MYO18B: variants seen among roughly 807,000 people sequenced by gnomAD.
The protein encoded by MYO18B is myosin XVIIIB, also known as unconventional myosin-XVIIIb.
A neutral mutation model predicts 273.0 loss-of-function variants in MYO18B; 204 were observed. The ratio of observed to expected loss-of-function variants is 0.75; its 90% CI spans 0.67 to 0.84. The LOEUF (loss-of-function observed/expected upper bound fraction) is 0.84. MYO18B is among the 40% of genes least tolerant of loss of function. The probability of loss-of-function intolerance (pLI) is 0.00; values close to 1 mark genes in which losing one functional copy is unlikely to be tolerated. For missense variants in MYO18B, 3,212 were observed against 3,287.6 expected (o/e 0.98, Z 0.56); for synonymous variants, 1,330 against 1,305.7 (o/e 1.02, Z -0.40).
chr22:25,914,018 A>T (rs2092212033), intron 33 of MYO18B, among the ~76,000 whole-genome samples: 3 of 152,300 alleles, frequency 2.0e-5, no homozygotes, highest in Admixed American at 1.3e-4. Context: ...ATTGGGGTGC[A>T]TAGTGTGAGG....
chr22:25,753,022 C>T (rs2085984399), intron 1 of MYO18B, among the ~76,000 whole-genome samples: 1 of 152,222 alleles, frequency 6.6e-6, no homozygotes, highest in Non-Finnish European at 1.5e-5. Flanking sequence ...TCTCACCGTG[C>T]CTCAGCCGCC....
At chr22:25,773,127 A>G (rs1282294759) in intron 7 of MYO18B, among the ~76,000 whole-genome samples, 1 of 152,150 alleles carries the variant, frequency 6.6e-6, no homozygotes, top group Admixed American at 6.5e-5. Flanking sequence ...TCTAAGCGCC[A>G]CCTTGTGGAC....
chr22:25,870,608 C>G (rs562871714), intron 22 of MYO18B, among the ~76,000 whole-genome samples: 1 of 152,180 alleles, frequency 6.6e-6, no homozygotes, highest in Non-Finnish European at 1.5e-5. Context: ...TGGATCTTTA[C>G]GGTCCTGAAT....
At chr22:26,021,251 T>C (rs1935789993) in intron 42 of MYO18B, among the ~76,000 whole-genome samples, 1 of 152,220 alleles carries the variant, frequency 6.6e-6, no homozygotes, top group South Asian at 2.1e-4. Context: ...GTTTACCTAA[T>C]AAACTTCTAT....
chr22:26,057,221 A>G, the MYO18B span, among the ~76,000 whole-genome samples: 1 of 152,196 alleles, frequency 6.6e-6, no homozygotes, highest in Non-Finnish European at 1.5e-5. Flanking sequence ...TCTAAAAAAA[A>G]AGGATATGTT....
chr22:25,798,066 C>G lies in MYO18B; in HGVS notation c.2490C>G (p.Ile830Met). The change falls in exon 12 of 44, where the codon ATC (isoleucine) becomes ATG (methionine). Residue 830 changes from isoleucine (I) to methionine (M), a missense_variant. Physicochemically the swap from Ile to Met is conservative, Grantham distance 10. Coordinates refer to ENST00000335473, the MANE Select transcript of MYO18B (RefSeq NM_032608.7). ...QRAVWRVLAA[I>M]YHLGAAGACK... ...CTGTTTGGCGGGTCCTGGCAGCCAT[C>G]TACCACCTGGGTGCGGCGGGGGCCT... 6.2e-7 allele frequency: 1 copy of G among 1,611,328 alleles called. No homozygotes were observed. The highest frequency in any genetic ancestry group is 8.5e-7 in the Non-Finnish European group (1 of 1,177,664).
chr22:25,852,023 AC>A (rs2090441734), intron 21 of MYO18B, among the ~76,000 whole-genome samples: 2 of 152,150 alleles, frequency 1.3e-5, no homozygotes. Flanking sequence ...GCTAAAAGGG[AC>A]CCTAGCAAGG....
intron 1 of MYO18B, among the ~76,000 whole-genome samples, chr22:25,746,982 C>T (rs539507628): frequency 1.7e-4 from 26 of 152,184 alleles, no homozygotes; most frequent in African/African-American, 5.8e-4. Flanking sequence ...ATTAGCCAGG[C>T]GTGGTGATGG....
chr22:25,753,744 G>A (rs927814085), intron 1 of MYO18B, among the ~76,000 whole-genome samples: 1 of 152,170 alleles, frequency 6.6e-6, no homozygotes, highest in Non-Finnish European at 1.5e-5. Context: ...GCGAAGGCCT[G>A]CAGCTTTACT....
rs2091401654 is a variant in MYO18B, at chr22:25,883,330, C to G, written c.4314+5282C>G. 2.0e-5 allele frequency: 3 copies of G among 152,236 alleles called. No homozygotes were observed. The South Asian group carries it at 6.2e-4, about 32-fold the overall frequency. The allele number at this position is 152,236 out of a possible 1,614,324, so 9.4% of individuals were successfully genotyped here. ...GGAGCCCTCCAGCCCCTAGGCAATC[C>G]TGATTCAGAGGGTGAGGTTGCTTTA... On this transcript the variant is annotated intron_variant, in intron 25 of 43. Transcript: ENST00000335473. The surrounding 1 kb of genome is among the most constrained non-coding windows in gnomAD (Gnocchi z 7.6).
intron 1 of MYO18B, among the ~76,000 whole-genome samples, chr22:25,755,433 T>G (rs1222035457): frequency 6.6e-6 from 1 of 152,252 alleles, no homozygotes; most frequent in Admixed American, 6.5e-5. Flanking sequence ...CTTGAACTCC[T>G]GACCTCAGGT....
intron 34 of MYO18B, among the ~76,000 whole-genome samples, chr22:25,945,218 G>T (rs1041425994): frequency 2.0e-5 from 3 of 152,090 alleles, no homozygotes; most frequent in African/African-American, 7.2e-5. Flanking sequence ...CTGAACCCTG[G>T]TTAAGAAACT....
intron 1 of MYO18B, among the ~76,000 whole-genome samples, chr22:25,755,565 A>T (rs895577310): frequency 2.0e-5 from 3 of 152,078 alleles, no homozygotes; most frequent in African/African-American, 7.2e-5. Context: ...GTTCCCTCCA[A>T]ATCTCATGTT....
downstream of MYO18B, among the ~76,000 whole-genome samples, chr22:26,033,232 G>A (rs989340060): frequency 4.6e-5 from 7 of 152,032 alleles, no homozygotes; most frequent in South Asian, 2.1e-4. Context: ...TATTCAGTCC[G>A]TATTTTCTGA....
At chr22:25,978,814 TGTG>T (rs975357350) in intron 39 of MYO18B, among the ~76,000 whole-genome samples, 5 of 152,050 alleles carry the variant, frequency 3.3e-5, no homozygotes, top group Non-Finnish European at 5.9e-5. Flanking sequence ...ATTAGTAGGT[TGTG>T]GTGGTGGGCG....
At chr22:25,985,084 C>T (rs2093186774) in intron 39 of MYO18B, among the ~76,000 whole-genome samples, 1 of 152,198 alleles carries the variant, frequency 6.6e-6, no homozygotes, top group South Asian at 2.1e-4. Context: ...TTTGATGAGT[C>T]TCTCTGTGTC....
intron 42 of MYO18B, 151 bp from the exon 43 acceptor site, chr22:26,026,294 T>C: frequency 1.1e-6 from 1 of 948,482 alleles, no homozygotes; most frequent in Non-Finnish European, 1.6e-6. Flanking sequence ...AATTTGCACA[T>C]TAAATCATAT....
At chr22:25,960,069 A>G (rs1601692230) in intron 39 of MYO18B, among the ~76,000 whole-genome samples, 1 of 151,770 alleles carries the variant, frequency 6.6e-6, no homozygotes, top group South Asian at 2.1e-4. Context: ...AATGATTTAT[A>G]CCCCCAGCTG....
chr22:25,788,387 G>A, intron 11 of MYO18B, among the ~76,000 whole-genome samples: 1 of 152,168 alleles, frequency 6.6e-6, no homozygotes, highest in East Asian at 1.9e-4. Context: ...CATACAGGAT[G>A]CCCAGTTAAA....
Sources: gnomAD v4.1 joint callset for allele counts (sites outside exome capture counted in the v4.1 genomes callset) on GRCh38, gnomAD v4.1.1 for gene constraint, Gnocchi (gnomAD v3.1) non-coding constraint, MANE v1.5 for transcripts, NCBI Gene and HGNC (gene_info 2026-07-23, HGNC 2026-07-21) for gene names.